Variants in C1orf198 observed in about 807,000 individuals in gnomAD.
C1orf198 encodes chromosome 1 open reading frame 198, also known as uncharacterized protein C1orf198.
In C1orf198, 17 loss-of-function variants were observed where a neutral mutation model predicts 31.4. That is an observed-to-expected ratio of 0.54 (90% CI 0.37 to 0.81). C1orf198 has a LOEUF of 0.81. Ranked by LOEUF, C1orf198 falls within the 40% of genes least tolerant of loss-of-function variation. C1orf198 has a pLI of 0.00. For missense variants in C1orf198, 401 were observed against 450.3 expected, an observed-to-expected ratio of 0.89 and a Z score of 0.99; for synonymous variants, 175 against 193.8, an observed-to-expected ratio of 0.90 and a Z score of 0.81.
rs1222891449 is a variant in C1orf198, at chr1:230,847,008, C to T, written c.385-3112G>A. Among the ~76,000 whole-genome samples the T allele has an allele frequency of 4.0e-5, 6 of 148,542 alleles. No homozygotes were observed. In the South Asian group the frequency reaches 1.0e-3, roughly 26 times the overall value. On this transcript the variant is annotated intron_variant, in intron 2 of 3. Coordinates refer to ENST00000366663, the MANE Select transcript of C1orf198 (RefSeq NM_032800.3). ...GTCCCAGCTACTTGGGAGGCTGAGGCAGGAGAATGGCGTGAACCCGGGAGG... is the reference window on the plus strand; with the variant it reads ...GTCCCAGCTACTTGGGAGGCTGAGGTAGGAGAATGGCGTGAACCCGGGAGG...
intron 2 of C1orf198, among the ~76,000 whole-genome samples, chr1:230,847,867 C>T (rs1053775643): frequency 6.6e-6 from 1 of 152,180 alleles, no homozygotes; most frequent in African/African-American, 2.4e-5. Context: ...CTTCATCAAA[C>T]CCCAGGCTTT....
chr1:230,859,637 C>T (rs1669964283), intron 1 of C1orf198, among the ~76,000 whole-genome samples: 1 of 152,132 alleles, frequency 6.6e-6, no homozygotes, highest in African/African-American at 2.4e-5. Context: ...AAACACAGAG[C>T]ACTTGGCAAT....
chr1:230,860,806 GTGA>G (rs1669987651), intron 1 of C1orf198, among the ~76,000 whole-genome samples: 1 of 152,176 alleles, frequency 6.6e-6, no homozygotes, highest in Admixed American at 6.5e-5. Context: ...ATGGATGGTG[GTGA>G]TGATTGCACA....
Position 230,840,740 on chromosome 1 carries a change from C to A in C1orf198, c.928-832G>T, listed in dbSNP as rs1377959204. Among the ~76,000 whole-genome samples, 2 of 152,148 alleles carry A rather than the reference C, an allele frequency of 1.3e-5. No individual in the cohort carries two copies. Among genetic ancestry groups the A allele is most frequent in the Admixed American group, 1.3e-4 (2 of 15,276 alleles). ...CTTGACTCTCCACCCTCCAAGCAGCCGGCCAGCAGAAAATGCATACATGGC... is the reference window on the plus strand; with the variant it reads ...CTTGACTCTCCACCCTCCAAGCAGCAGGCCAGCAGAAAATGCATACATGGC... On this transcript the variant is annotated intron_variant, in intron 3 of 3. Transcript: ENST00000366663. This position sits in a 1 kb window ranked among gnomAD's most constrained non-coding sequence, Gnocchi z 4.0.
chr1:230,841,210 C>T lies in C1orf198; in HGVS notation c.928-1302G>A, dbSNP rs1281292790. On this transcript the variant is annotated intron_variant, in intron 3 of 3. Coordinates refer to ENST00000366663, the MANE Select transcript of C1orf198 (RefSeq NM_032800.3). ...ACAGAACGGAGAGATGGGCAGGTAC[C>T]GGAGAAGGCAGGAAACAAGAGGGCT... 4.6e-5 allele frequency among the ~76,000 whole-genome samples: 7 copies of T among 152,064 alleles called. No individual in the cohort carries two copies. The South Asian group carries it at 1.2e-3, about 27-fold the overall frequency.
At position 230,840,824 on chromosome 1, in the gene C1orf198, T is replaced by C. The variant is rs1669419421; in HGVS notation, c.928-916A>G. On this transcript the variant is annotated intron_variant, in intron 3 of 3. Transcript: ENST00000366663. The surrounding 1 kb of genome is among the most constrained non-coding windows in gnomAD (Gnocchi z 4.0). ...CTTGACACCTGTCTCAGGCCCAGTT[T>C]GGCTACATGTGAGACTGGTGCAGAG... Among the ~76,000 whole-genome samples, 1 of 152,210 alleles carries C rather than the reference T, an allele frequency of 6.6e-6. No homozygotes were observed. Among genetic ancestry groups the C allele is most frequent in the Non-Finnish European group, 1.5e-5 (1 of 68,034 alleles).
intron 1 of C1orf198, among the ~76,000 whole-genome samples, chr1:230,859,363 T>A (rs1003081654): frequency 6.6e-6 from 1 of 151,852 alleles, no homozygotes; most frequent in Non-Finnish European, 1.5e-5. Flanking sequence ...CCCACCCCCC[T>A]CTCTGGCGCC....
intron 2 of C1orf198, among the ~76,000 whole-genome samples, chr1:230,855,160 GTGA>G (rs1016198896): frequency 3.2e-4 from 49 of 152,324 alleles, no homozygotes; most frequent in African/African-American, 1.1e-3. Context: ...AGCAACTCTG[GTGA>G]TGATGATGAT....
intron 2 of C1orf198, among the ~76,000 whole-genome samples, chr1:230,847,413 T>C (rs908958992): frequency 1.5e-4 from 23 of 152,246 alleles, no homozygotes; most frequent in African/African-American, 4.8e-4. Context: ...ATTCTACAAA[T>C]GAGAAAATGG....
chr1:230,860,802 G>T (rs1669987436), intron 1 of C1orf198, among the ~76,000 whole-genome samples: 1 of 152,178 alleles, frequency 6.6e-6, no homozygotes, highest in Admixed American at 6.5e-5. Context: ...GGAAATGGAT[G>T]GTGGTGATGA....
At chr1:230,850,170 A>T (rs979991153) in intron 2 of C1orf198, among the ~76,000 whole-genome samples, 3 of 152,178 alleles carry the variant, frequency 2.0e-5, no homozygotes, top group South Asian at 2.1e-4. Context: ...CATCAGCATG[A>T]TCCCCATTTT....
rs1669386583 is a variant in C1orf198 at position 230,839,378 on chromosome 1, T to C, written c.*474A>G. 1 of 162,474 alleles carries C rather than the reference T, an allele frequency of 6.2e-6. No homozygotes were observed. Among genetic ancestry groups the C allele is most frequent in the Non-Finnish European group, 1.3e-5 (1 of 75,852 alleles). The allele number at this position is 162,474 out of a possible 1,614,324, so 10.1% of individuals were successfully genotyped here. A position where few individuals can be genotyped will look rare whatever the true frequency, so the allele number is the denominator to read the frequency against. ...CTGAGAACGTCGCTGGGGGCCAGTC[T>C]TTCCGGGGTCACAGCCAGCATGCTG... On this transcript the variant is annotated 3_prime_UTR_variant, in exon 4 of 4. Transcript: ENST00000366663.
chr1:230,855,554 G>T, intron 2 of C1orf198, 114 bp downstream of exon 2: 1 of 1,132,118 alleles, frequency 8.8e-7, no homozygotes, highest in Non-Finnish European at 1.3e-6. Flanking sequence ...CACATCCCCT[G>T]CAGCCTGGCA....
At chr1:230,848,852 C>T (rs998712641) in intron 2 of C1orf198, among the ~76,000 whole-genome samples, 2 of 152,078 alleles carry the variant, frequency 1.3e-5, no homozygotes, top group African/African-American at 4.8e-5. Flanking sequence ...CTAAAAACTC[C>T]AGGAACTATA....
At chr1:230,847,278 C>CA (rs11320938) in intron 2 of C1orf198, among the ~76,000 whole-genome samples, 2,269 of 90,960 alleles carry the variant, frequency 0.025, 41 homozygotes, top group African/African-American at 0.065. Context: ...GACTCTGTCT[C>CA]AAAAAAAAAA....
chr1:230,841,254 A>C (rs1416992825), intron 3 of C1orf198, among the ~76,000 whole-genome samples: 1 of 152,190 alleles, frequency 6.6e-6, no homozygotes, highest in Non-Finnish European at 1.5e-5. Context: ...TAGCTTAAGA[A>C]GGTGCAGAAA....
At chr1:230,852,684 TTGTG>T (rs1419637857) in intron 2 of C1orf198, among the ~76,000 whole-genome samples, 7 of 152,228 alleles carry the variant, frequency 4.6e-5, no homozygotes, top group Non-Finnish European at 2.9e-5. Flanking sequence ...AAATTTTATG[TTGTG>T]TGTATTTTGC....
chr1:230,864,311 GAGCGGGTGTAGC>G, intron 1 of C1orf198, among the ~76,000 whole-genome samples: 1 of 152,338 alleles, frequency 6.6e-6, no homozygotes, highest in East Asian at 1.9e-4. Context: ...TAATGACACA[GAGCGGGTGTAGC>G]AGCTCAGCAG....
intron 3 of C1orf198, among the ~76,000 whole-genome samples, chr1:230,842,258 T>C (rs1669461738): frequency 6.6e-6 from 1 of 152,212 alleles, no homozygotes; most frequent in South Asian, 2.1e-4. Context: ...CCACCAAATT[T>C]ATACTGTAAA....
Sources: allele counts gnomAD v4.1 joint callset (sites outside exome capture counted in the v4.1 genomes callset), GRCh38; gene constraint gnomAD v4.1.1; non-coding constraint Gnocchi (gnomAD v3.1); transcripts MANE v1.5; gene names NCBI Gene and HGNC (gene_info 2026-07-23, HGNC 2026-07-21).